NCALD: variants seen among roughly 807,000 people sequenced by gnomAD.
The protein encoded by NCALD is neurocalcin-delta.
In NCALD, 10 loss-of-function variants were observed where a neutral mutation model predicts 18.6. That is an observed-to-expected ratio of 0.54 (90% CI 0.33 to 0.91). The LOEUF (loss-of-function observed/expected upper bound fraction) is 0.91. Among genes scored for constraint, NCALD ranks in the 40% least tolerant of loss-of-function variants. The probability of loss-of-function intolerance (pLI) is 0.03; values close to 1 mark genes in which losing one functional copy is unlikely to be tolerated. For missense variants in NCALD, 184 were observed against 247.6 expected, an observed-to-expected ratio of 0.74 and a Z score of 1.72; for synonymous variants, 88 against 87.4, an observed-to-expected ratio of 1.01 and a Z score of -0.04.
intron 1 of NCALD, among the ~76,000 whole-genome samples, chr8:101,741,253 G>T (rs140417275): frequency 2.0e-4 from 30 of 152,268 alleles, no homozygotes; most frequent in African/African-American, 5.5e-4. Context: ...AAAAGAAATT[G>T]CAAAGAAAAT....
intron 2 of NCALD, among the ~76,000 whole-genome samples, chr8:101,969,183 G>A (rs779178395): frequency 2.2e-4 from 33 of 152,146 alleles, no homozygotes; most frequent in Non-Finnish European, 3.7e-4. Flanking sequence ...TCAGCACAAA[G>A]CTACAGTTAT....
chr8:101,891,995 C>G (rs1816916821), intron 3 of NCALD, among the ~76,000 whole-genome samples: 1 of 152,204 alleles, frequency 6.6e-6, no homozygotes, highest in South Asian at 2.1e-4. Context: ...GAAGCTCGAA[C>G]TGGGTGGGGC....
In NCALD at chr8:102,069,259, C is replaced by T. The variant is rs578169265; in HGVS notation, c.-209-48970G>A. Reference sequence around the variant, plus strand: ...TGTTCATTAGTTATATTTAATTTTGCACAATGTAAACATATATCATATTGT... The same window carrying T: ...TGTTCATTAGTTATATTTAATTTTGTACAATGTAAACATATATCATATTGT... On this transcript the variant is annotated intron_variant, in intron 1 of 6. Coordinates refer to the NCALD transcript ENST00000311028. Among the ~76,000 whole-genome samples the T allele has an allele frequency of 3.8e-4, 57 of 151,722 alleles. 2 individuals are homozygous for T. In the South Asian group the frequency reaches 0.01, roughly 27 times the overall value.
intron 2 of NCALD, among the ~76,000 whole-genome samples, chr8:101,972,141 C>T (rs552252750): frequency 6.6e-6 from 1 of 152,262 alleles, no homozygotes; most frequent in East Asian, 1.9e-4. Flanking sequence ...ACTTCTACCT[C>T]TAGAAAGCAC....
chr8:101,823,920 C>T (rs1467501070), intron 4 of NCALD, among the ~76,000 whole-genome samples: 1 of 152,198 alleles, frequency 6.6e-6, no homozygotes, highest in Non-Finnish European at 1.5e-5. Context: ...ACTGAATGCA[C>T]TAGCTTATTT....
At chr8:101,766,658 C>CCT (rs1186897971) in intron 1 of NCALD, among the ~76,000 whole-genome samples, 13 of 152,322 alleles carry the variant, frequency 8.5e-5, no homozygotes, top group African/African-American at 2.9e-4. Context: ...CCCACTGCAA[C>CCT]CTCTGAATCC....
chr8:101,973,249 TTTATCA>T (rs1383328649), intron 2 of NCALD, among the ~76,000 whole-genome samples: 6 of 152,192 alleles, frequency 3.9e-5, no homozygotes, highest in Non-Finnish European at 7.4e-5. Flanking sequence ...CCACATTACA[TTTATCA>T]TTATGTCTCC....
intron 3 of NCALD, among the ~76,000 whole-genome samples, chr8:101,902,629 G>C (rs931079288): frequency 6.6e-6 from 1 of 152,198 alleles, no homozygotes; most frequent in Non-Finnish European, 1.5e-5. Flanking sequence ...GCTTATCAGA[G>C]TGCTGCAGAG....
intron 1 of NCALD, among the ~76,000 whole-genome samples, chr8:102,112,256 C>T (rs1214864481): frequency 6.6e-6 from 1 of 152,152 alleles, no homozygotes; most frequent in African/African-American, 2.4e-5. Context: ...TCTCAACCCT[C>T]ACAGTAACCC....
At chr8:101,790,285 A>C (rs2131015390) in intron 1 of NCALD, among the ~76,000 whole-genome samples, 1 of 152,348 alleles carries the variant, frequency 6.6e-6, no homozygotes, top group African/African-American at 2.4e-5. Context: ...ATTTCTCTCT[A>C]AACAGGAAAC....
intron 1 of NCALD, among the ~76,000 whole-genome samples, chr8:102,027,387 G>T (rs532887898): frequency 6.6e-6 from 1 of 152,162 alleles, no homozygotes; most frequent in African/African-American, 2.4e-5. Flanking sequence ...TCTCTGGGAC[G>T]GGGCAAAATG....
At chr8:102,053,485 T>C (rs1257757347) in intron 1 of NCALD, among the ~76,000 whole-genome samples, 3 of 152,164 alleles carry the variant, frequency 2.0e-5, no homozygotes, top group Non-Finnish European at 2.9e-5. Context: ...ATTCAGCATT[T>C]TCCGTGTGTG....
intron 1 of NCALD, among the ~76,000 whole-genome samples, chr8:101,754,874 G>A (rs1024954482): frequency 1.3e-5 from 2 of 152,000 alleles, no homozygotes; most frequent in Non-Finnish European, 2.9e-5. Flanking sequence ...ATGAATAAAT[G>A]AATGAATGGA....
intron 4 of NCALD, among the ~76,000 whole-genome samples, chr8:101,841,446 T>C (rs536520970): frequency 6.6e-6 from 1 of 152,316 alleles, no homozygotes; most frequent in South Asian, 2.1e-4. Context: ...TAGGGGACTT[T>C]CCTGTGTGTC....
At chr8:101,971,187 T>C (rs1332131231) in intron 2 of NCALD, among the ~76,000 whole-genome samples, 1 of 152,116 alleles carries the variant, frequency 6.6e-6, no homozygotes, top group Admixed American at 6.6e-5. Context: ...TCAGATACTC[T>C]GTTACAGCCA....
At chr8:101,797,240 C>A (rs1042159327) in intron 4 of NCALD, among the ~76,000 whole-genome samples, 2 of 151,988 alleles carry the variant, frequency 1.3e-5, no homozygotes, top group Non-Finnish European at 2.9e-5. Context: ...GGGTTTGCAA[C>A]GCAAAACAAC....
At chr8:102,061,060 T>C (rs1823833217) in intron 1 of NCALD, among the ~76,000 whole-genome samples, 1 of 152,156 alleles carries the variant, frequency 6.6e-6, no homozygotes, top group Admixed American at 6.5e-5. Context: ...ACCCAAACAA[T>C]CTATTCCTTT....
chr8:102,028,768 A>G (rs993103386), intron 1 of NCALD, among the ~76,000 whole-genome samples: 1 of 152,184 alleles, frequency 6.6e-6, no homozygotes, highest in Admixed American at 6.5e-5. Context: ...TGCAGCCCCA[A>G]CCTTCTGGTC....
At chr8:101,782,751 A>G (rs554130128) in intron 1 of NCALD, among the ~76,000 whole-genome samples, 1 of 152,254 alleles carries the variant, frequency 6.6e-6, no homozygotes, top group South Asian at 2.1e-4. Flanking sequence ...CTTCCTCTCC[A>G]AAGTCATCTC....
Sources: gnomAD v4.1 joint callset for allele counts (sites outside exome capture counted in the v4.1 genomes callset) on GRCh38, gnomAD v4.1.1 for gene constraint, MANE v1.5 for transcripts, NCBI Gene and HGNC (gene_info 2026-07-23, HGNC 2026-07-21) for gene names.